Variants in MID1 observed in about 807,000 individuals in gnomAD.
MID1 encodes the protein E3 ubiquitin-protein ligase Midline-1.
In MID1, 7 loss-of-function variants were observed where a neutral mutation model predicts 40.4. The ratio of observed to expected loss-of-function variants is 0.17; its 90% CI spans 0.10 to 0.33. MID1 has a LOEUF of 0.33. Ranked by LOEUF, MID1 falls within the 10% of genes least tolerant of loss-of-function variation. The probability of loss-of-function intolerance (pLI) is 1.00; values close to 1 mark genes in which losing one functional copy is unlikely to be tolerated. For synonymous variants in MID1, 229 were observed against 221.2 expected, an observed-to-expected ratio of 1.04 and a Z score of -0.31; for missense variants, 367 against 558.5, an observed-to-expected ratio of 0.66 and a Z score of 3.46.
chrX:10,623,294 GAGAGAA>G (rs373410795), upstream of MID1, among the ~76,000 whole-genome samples: 244 of 98,608 alleles, frequency 2.5e-3, no homozygotes, highest in Middle Eastern at 0.01. Context: ...AGAAAAGAAA[GAGAGAA>G]AGAAAGAAGG....
At chrX:10,688,725 T>A (rs1216308708) in intron 1 of MID1, among the ~76,000 whole-genome samples, 1 of 111,253 alleles carries the variant, frequency 9.0e-6, no homozygotes, top group Non-Finnish European at 1.9e-5. Flanking sequence ...TAAATTCATA[T>A]ACTGTATTAT....
At chrX:10,682,256 A>G (rs1274904706) in intron 1 of MID1, among the ~76,000 whole-genome samples, 1 of 111,965 alleles carries the variant, frequency 8.9e-6, no homozygotes, top group Non-Finnish European at 1.9e-5. Context: ...ATTAAACTGT[A>G]TTTCAAAATG....
intron 1 of MID1, among the ~76,000 whole-genome samples, chrX:10,816,796 A>C (rs1201692451): frequency 1.8e-5 from 2 of 112,275 alleles, no homozygotes; most frequent in Non-Finnish European, 3.8e-5. Context: ...CATTACCTAT[A>C]AAATGGAACT....
chrX:10,820,354 T>C (rs1217455915), intron 1 of MID1, among the ~76,000 whole-genome samples: 2 of 112,180 alleles, frequency 1.8e-5, no homozygotes, highest in Non-Finnish European at 3.8e-5. Context: ...AAGTTTCTTT[T>C]GACCTAATGT....
rs1428612541 is a variant in MID1, at chrX:10,703,357, C to T, written c.-186-82938G>A. 2.7e-5 allele frequency among the ~76,000 whole-genome samples: 3 copies of T among 112,184 alleles called. No individual in the cohort carries two copies. In the Admixed American group the frequency reaches 2.8e-4, roughly 11 times the overall value. ...TCACGAAGTAACTGCAAAATATAAG[C>T]AGATAGTTGTTAAGTTTATTATATC... is the stretch of plus-strand genomic sequence containing the variant. On this transcript the variant is annotated intron_variant, in intron 1 of 10. Coordinates refer to the MID1 transcript ENST00000380785.
At chrX:10,606,742 A>ATTTTG (rs1412980422) in intron 1 of MID1, among the ~76,000 whole-genome samples, 3 of 103,115 alleles carry the variant, frequency 2.9e-5, no homozygotes, top group Non-Finnish European at 3.8e-5. Flanking sequence ...GTTTTATTTT[A>ATTTTG]TTTTGTTTTG....
chrX:10,803,352 C>CTT (rs757624510), intron 1 of MID1, among the ~76,000 whole-genome samples: 15 of 90,650 alleles, frequency 1.7e-4, no homozygotes, highest in African/African-American at 2.0e-4. Flanking sequence ...ACTATATTTT[C>CTT]TTTTTTTTTT....
At chrX:10,696,972 T>C (rs5979345) in intron 1 of MID1, among the ~76,000 whole-genome samples, 15,785 of 111,723 alleles carry the variant, frequency 0.14, 1,743 homozygotes, top group African/African-American at 0.38. Context: ...AAAGTCATTA[T>C]TAGTGCAATT....
chrX:10,705,620 C>T (rs993991000), intron 1 of MID1, among the ~76,000 whole-genome samples: 2 of 112,187 alleles, frequency 1.8e-5, no homozygotes, highest in Non-Finnish European at 3.8e-5. Flanking sequence ...AGCCACTACA[C>T]TGAGCATTCT....
At chrX:10,638,374 G>C (rs903323374) in intron 1 of MID1, among the ~76,000 whole-genome samples, 1 of 112,196 alleles carries the variant, frequency 8.9e-6, no homozygotes, top group Non-Finnish European at 1.9e-5. Flanking sequence ...CGCATGGCTC[G>C]GAGGGTCCCA....
rs960298676 is a variant in MID1 at position 10,496,785 on chromosome X, A to G, written c.757-1094T>C. ...TTCACAGAAACCATGTCCTGTTTCC[A>G]GAGGCCCAGGATTCCTTGAATTTTA... On this transcript the variant is annotated intron_variant, in intron 3 of 9. Transcript: ENST00000317552. 4.5e-5 allele frequency among the ~76,000 whole-genome samples: 5 copies of G among 112,289 alleles called. No individual in the cohort carries two copies. In the East Asian group the frequency reaches 1.1e-3, roughly 25 times the overall value.
intron 1 of MID1, among the ~76,000 whole-genome samples, chrX:10,644,077 C>T (rs907775978): frequency 5.4e-5 from 6 of 111,125 alleles, no homozygotes; most frequent in African/African-American, 2.0e-4. Context: ...ATGGGTGCAG[C>T]ACACCAACCT....
At chrX:10,733,784 CTG>C (rs1321747264) in intron 1 of MID1, among the ~76,000 whole-genome samples, 1 of 111,954 alleles carries the variant, frequency 8.9e-6, no homozygotes, top group African/African-American at 3.2e-5. Context: ...ATTAAAAAGA[CTG>C]TTATCACCAA....
chrX:10,469,644 C>G (rs1388650305), intron 7 of MID1, 53 bp downstream of exon 7: 1 of 1,208,948 alleles, frequency 8.3e-7, no homozygotes, highest in Non-Finnish European at 1.1e-6. Context: ...GGAATGCAAT[C>G]AATCTGAAGA....
intron 1 of MID1, among the ~76,000 whole-genome samples, chrX:10,572,834 C>CT (rs1934774722): frequency 8.9e-6 from 1 of 111,769 alleles, no homozygotes; most frequent in Non-Finnish European, 1.9e-5. Flanking sequence ...GCTCACACCT[C>CT]TGCCTGTCCA....
intron 1 of MID1, among the ~76,000 whole-genome samples, chrX:10,634,515 A>G (rs1000699855): frequency 2.7e-5 from 3 of 110,498 alleles, no homozygotes; most frequent in African/African-American, 1.0e-4. Context: ...TTCCCTTAAC[A>G]AAGAGGTTGC....
chrX:10,700,799 T>C (rs1245203501), intron 1 of MID1, among the ~76,000 whole-genome samples: 2 of 112,134 alleles, frequency 1.8e-5, no homozygotes, highest in Non-Finnish European at 3.8e-5. Flanking sequence ...TACTCTATGA[T>C]GATGTGGAGT....
chrX:10,776,538 C>T (rs1387971371), intron 1 of MID1, among the ~76,000 whole-genome samples: 1 of 111,866 alleles, frequency 8.9e-6, no homozygotes, highest in Non-Finnish European at 1.9e-5. Flanking sequence ...CAGTCCTTAA[C>T]TTTAAGTTTA....
At chrX:10,636,790 A>ATATG (rs1936119975) in intron 1 of MID1, among the ~76,000 whole-genome samples, 1 of 48,065 alleles carries the variant, frequency 2.1e-5, no homozygotes, top group African/African-American at 6.7e-5. Flanking sequence ...ATGGGGATAT[A>ATATG]TATATATATA....
Sources: gnomAD v4.1 joint callset for allele counts (sites outside exome capture counted in the v4.1 genomes callset) on GRCh38, gnomAD v4.1.1 for gene constraint, MANE v1.5 for transcripts, NCBI Gene and HGNC (gene_info 2026-07-23, HGNC 2026-07-21) for gene names.